Variants in FLT4 observed in about 807,000 individuals in gnomAD.
FLT4 encodes vascular endothelial growth factor receptor 3.
A neutral mutation model predicts 163.2 loss-of-function variants in FLT4; 30 were observed. The ratio of observed to expected loss-of-function variants is 0.18; its 90% confidence interval spans 0.14 to 0.25. The LOEUF (loss-of-function observed/expected upper bound fraction) is 0.25, where lower values mean the gene tolerates loss of function less well. Among genes scored for constraint, FLT4 ranks in the 10% least tolerant of loss-of-function variants. The probability of loss-of-function intolerance (pLI) is 1.00; values close to 1 mark genes in which losing one functional copy is unlikely to be tolerated. For synonymous variants in FLT4, 884 were observed against 789.5 expected (o/e 1.12, Z -2.01); for missense variants, 1,510 against 1,863.8 (o/e 0.81, Z 3.50).
rs546646041 is a variant in FLT4, at chr5:180,638,981, G to C, written c.59-7203C>G. 4.3e-4 allele frequency among the ~76,000 whole-genome samples: 50 copies of C among 117,312 alleles called. 1 individual carries two copies. In the South Asian group the frequency reaches 0.013, roughly 31 times the overall value. 77.0% of individuals were successfully genotyped at this position (117,312 alleles called of 152,430 possible). A position where few individuals can be genotyped will look rare whatever the true frequency, so the allele number is the denominator to read the frequency against. On this transcript the variant is annotated intron_variant, in intron 1 of 29. Coordinates refer to ENST00000261937, the MANE Select transcript of FLT4 (RefSeq NM_182925.5). ...AGTAAAGTCTCAGTGAACACTCGTTGAATGAAAAAAATGGAGGGATGGAAG... is the reference window on the plus strand; with the variant it reads ...AGTAAAGTCTCAGTGAACACTCGTTCAATGAAAAAAATGGAGGGATGGAAG...
At chr5:180,644,383 G>A (rs955435421) in intron 1 of FLT4, among the ~76,000 whole-genome samples, 1 of 152,234 alleles carries the variant, frequency 6.6e-6, no homozygotes, top group African/African-American at 2.4e-5. Context: ...GCTTTGTAAA[G>A]GTCTCTGGGA....
At chr5:180,645,371 C>T (rs1336197870) in intron 1 of FLT4, among the ~76,000 whole-genome samples, 2 of 152,206 alleles carry the variant, frequency 1.3e-5, no homozygotes, top group African/African-American at 4.8e-5. Context: ...GCAGTTTCCC[C>T]GGCTTCCGTG....
Position 180,630,475 on chromosome 5 carries a change from C to T in FLT4, c.400+80G>A. The T allele has an allele frequency of 6.3e-7, 1 of 1,598,524 alleles. No homozygotes were observed. The highest frequency in any genetic ancestry group is 8.5e-7 in the Non-Finnish European group (1 of 1,172,864). On this transcript the variant is annotated intron_variant, in intron 3 of 29. Transcript: ENST00000261937. This position sits in a 1 kb window ranked among gnomAD's most constrained non-coding sequence, Gnocchi z 6.3. Reference sequence around the variant, plus strand: ...GGCCCCGTTCTCTCCTCCTGCCAGCCCAGGGTCCACAGGCTGGGGGCGGTG... The same window carrying T: ...GGCCCCGTTCTCTCCTCCTGCCAGCTCAGGGTCCACAGGCTGGGGGCGGTG...
At position 180,611,467 on chromosome 5, in the gene FLT4, C is replaced by A. The variant is rs1005859117; in HGVS notation, c.3550G>T (p.Val1184Phe). 1 of 1,613,706 alleles carries A rather than the reference C, an allele frequency of 6.2e-7. No individual in the cohort carries two copies. The highest frequency in any genetic ancestry group is 2.2e-5 in the East Asian group (1 of 44,834). ...TGAGAGCTGCGCGGGGCCATGCAGA[C>A]CTCCTCTTCCTCCTGGCGGGAACAG... Reference protein sequence around the residue: ...QGRGLQEEEEVCMAPRSSQSS... With the variant: ...QGRGLQEEEEFCMAPRSSQSS... The change falls in exon 27 of 30, where the codon GTC (valine) becomes TTC (phenylalanine). Residue 1184 changes from valine to phenylalanine, a missense_variant. Coordinates refer to ENST00000261937, the MANE Select transcript of FLT4 (RefSeq NM_182925.5).
At chr5:180,619,519 T>A in intron 18 of FLT4, 146 bp downstream of exon 18, 1 of 969,238 alleles carries the variant, frequency 1.0e-6, no homozygotes, top group Non-Finnish European at 1.7e-6. Context: ...GTCCCTCGGC[T>A]CTGAAGCCCG....
At chr5:180,614,677 C>T (rs1762499088) in intron 23 of FLT4, among the ~76,000 whole-genome samples, 2 of 150,804 alleles carry the variant, frequency 1.3e-5, no homozygotes, top group African/African-American at 4.9e-5. Flanking sequence ...TACCTGGGAG[C>T]CCTGAGGGCC....
At chr5:180,632,587 T>C (rs1764264116) in intron 1 of FLT4, among the ~76,000 whole-genome samples, 1 of 150,342 alleles carries the variant, frequency 6.7e-6, no homozygotes, top group Non-Finnish European at 1.5e-5. Context: ...CACACCCTCC[T>C]CCCCGTGAGG....
chr5:180,614,869 C>G (rs1451852584), intron 23 of FLT4, among the ~76,000 whole-genome samples: 1 of 152,050 alleles, frequency 6.6e-6, no homozygotes, highest in African/African-American at 2.4e-5. Context: ...GCTCCTCCCC[C>G]TCTGACACCC....
chr5:180,614,909 G>A (rs1404320602), intron 23 of FLT4, among the ~76,000 whole-genome samples: 3 of 151,958 alleles, frequency 2.0e-5, no homozygotes, highest in Non-Finnish European at 4.4e-5. Context: ...ACCCTGACCC[G>A]CCTTGGAGGC....
In FLT4 at chr5:180,630,930, G is replaced by T. The variant is rs1440386121; in HGVS notation, c.156-131C>A. On this transcript the variant is annotated intron_variant, in intron 2 of 29. Transcript: ENST00000261937. This position sits in a 1 kb window ranked among gnomAD's most constrained non-coding sequence, Gnocchi z 6.3. ...GCATGGAACTGCCCAGGGTTTGGGC[G>T]CACACTACAGACCGTGCCCAGGGCA... 8.9e-7 allele frequency: 1 copy of T among 1,124,448 alleles called. No individual in the cohort carries two copies. Among genetic ancestry groups the T allele is most frequent in the Non-Finnish European group, 1.2e-6 (1 of 808,606 alleles). The allele number at this position is 1,124,448 out of a possible 1,614,324, so 69.7% of individuals were successfully genotyped here. A position where few individuals can be genotyped will look rare whatever the true frequency, so the allele number is the denominator to read the frequency against.
chr5:180,603,056 A>C lies in FLT4; in HGVS notation c.*136T>G. ...TGGAGTCCTGCTCTTCCTAGCTGGG[A>C]AGTCTGCAGAGAGGGAAGAGGACAC... On this transcript the variant is annotated 3_prime_UTR_variant, in exon 30 of 30. Transcript: ENST00000261937. 1 of 840,928 alleles carries C rather than the reference A, an allele frequency of 1.2e-6. No individual in the cohort carries two copies. Among genetic ancestry groups the C allele is most frequent in the Non-Finnish European group, 1.9e-6 (1 of 513,072 alleles). The allele number at this position is 840,928 out of a possible 1,614,324, so 52.1% of individuals were successfully genotyped here. A position where few individuals can be genotyped will look rare whatever the true frequency, so the allele number is the denominator to read the frequency against.
intron 1 of FLT4, among the ~76,000 whole-genome samples, chr5:180,637,044 G>A (rs1299518575): frequency 6.6e-6 from 1 of 152,100 alleles, no homozygotes; most frequent in African/African-American, 2.4e-5. Flanking sequence ...CATCGACAGG[G>A]CGAAATCATG....
chr5:180,610,000 C>A lies in FLT4; in HGVS notation c.3712G>T (p.Gly1238Trp). Reference sequence around the variant, plus strand: ...GTCTCAGCCCCTCTGGCCAGGCACCCGGGAAAGGACACCCAGTTGTAATAC... The same window carrying A: ...GTCTCAGCCCCTCTGGCCAGGCACCAGGGAAAGGACACCCAGTTGTAATAC... The part of the protein sequence containing the change: ...ARYYNWVSFP[G>W]CLARGAETRG... Residue 1238 changes from glycine to tryptophan, a missense_variant, in exon 28 of 30, where the codon GGG becomes TGG. Physicochemically the swap from Gly to Trp is radical, Grantham distance 184. Transcript: ENST00000261937. 2 of 1,614,160 alleles carry A rather than the reference C, an allele frequency of 1.2e-6. No individual in the cohort carries two copies. Among genetic ancestry groups the A allele is most frequent in the Non-Finnish European group, 1.7e-6 (2 of 1,180,002 alleles).
chr5:180,645,520 T>C (rs1419121351), intron 1 of FLT4, among the ~76,000 whole-genome samples: 1 of 152,192 alleles, frequency 6.6e-6, no homozygotes, highest in African/African-American at 2.4e-5. Context: ...AGGCAGGATG[T>C]CCTCTCCTGT....
intron 1 of FLT4, among the ~76,000 whole-genome samples, chr5:180,645,609 C>T (rs1765452750): frequency 6.6e-6 from 1 of 152,190 alleles, no homozygotes; most frequent in Non-Finnish European, 1.5e-5. Flanking sequence ...CCACCTGGAT[C>T]TACCCAGGCC....
chr5:180,613,000 G>A lies in FLT4; in HGVS notation c.3431+11C>T, dbSNP rs982573583. On this transcript the variant is annotated intron_variant, in intron 25 of 29. Transcript: ENST00000261937. ...TGTCCCCAAAACCTGCAGGGCCATG[G>A]GGAGGCTCACATGGCGGGAGTGGCC... The A allele has an allele frequency of 1.9e-6, 3 of 1,602,820 alleles. No homozygotes were observed. The African/African-American group carries it at 4.0e-5, about 21-fold the overall frequency.
chr5:180,614,229 G>A (rs55826717), intron 23 of FLT4, 50 bp from the exon 24 acceptor site: 2 of 1,304,632 alleles, frequency 1.5e-6, no homozygotes, highest in Admixed American at 1.7e-5. Context: ...GAGACGGAGG[G>A]AAGCGTGTCC....
At chr5:180,645,692 G>A (rs1294189872) in intron 1 of FLT4, among the ~76,000 whole-genome samples, 1 of 152,162 alleles carries the variant, frequency 6.6e-6, no homozygotes, top group African/African-American at 2.4e-5. Context: ...GTCCAGCCCG[G>A]CCAGGGCTGG....
At chr5:180,607,837 G>A in intron 29 of FLT4, 6 of 506,324 alleles carry the variant, frequency 1.2e-5, no homozygotes, top group Non-Finnish European at 2.1e-5. Context: ...CACAGGGTCA[G>A]GTGCTGAAGG....
Sources: gnomAD v4.1 joint callset for allele counts (sites outside exome capture counted in the v4.1 genomes callset) on GRCh38, gnomAD v4.1.1 for gene constraint, Gnocchi (gnomAD v3.1) non-coding constraint, MANE v1.5 for transcripts, NCBI Gene and HGNC (gene_info 2026-07-23, HGNC 2026-07-21) for gene names.